LRRK1: variants seen among roughly 807,000 people sequenced by gnomAD.
LRRK1 encodes leucine-rich repeat serine/threonine-protein kinase 1.
In LRRK1, 113 loss-of-function variants were observed where a neutral mutation model predicts 209.1. The ratio of observed to expected loss-of-function variants is 0.54; its 90% CI spans 0.46 to 0.63. The LOEUF is 0.63. Ranked by LOEUF, LRRK1 falls within the 30% of genes least tolerant of loss-of-function variation. The probability of loss-of-function intolerance (pLI) is 0.00; values close to 1 mark genes in which losing one functional copy is unlikely to be tolerated. For missense variants in LRRK1, 2,284 were observed against 2,632.2 expected (o/e 0.87, Z 2.89); for synonymous variants, 1,144 against 1,099.7 (o/e 1.04, Z -0.80).
intron 20 of LRRK1, among the ~76,000 whole-genome samples, chr15:101,044,714 G>A (rs533520339): frequency 5.3e-5 from 8 of 152,348 alleles, no homozygotes; most frequent in Middle Eastern, 3.4e-3. Context: ...AGCACACTCC[G>A]ACAAGGAGAA....
At chr15:101,036,316 ACT>A (rs1260830346) in intron 20 of LRRK1, among the ~76,000 whole-genome samples, 3 of 150,578 alleles carry the variant, frequency 2.0e-5, no homozygotes, top group South Asian at 2.1e-4. Context: ...TTTTTGTCTA[ACT>A]CTGTTTTTTT....
chr15:101,012,744 G>A (rs2033326694), intron 10 of LRRK1, among the ~76,000 whole-genome samples: 1 of 152,196 alleles, frequency 6.6e-6, no homozygotes, highest in African/African-American at 2.4e-5. Flanking sequence ...CTTGTGTGCG[G>A]CGACCCCCAC....
At chr15:101,015,224 G>A in intron 11 of LRRK1, 102 bp from the exon 12 acceptor site, 1 of 902,404 alleles carries the variant, frequency 1.1e-6, no homozygotes, top group East Asian at 2.6e-5. Context: ...AGTTGCACAT[G>A]AATTGCTCCC....
intron 2 of LRRK1, among the ~76,000 whole-genome samples, chr15:100,960,142 A>T (rs2411998): frequency 0.7 from 107,108 of 151,942 alleles, 38,082 homozygotes; most frequent in Middle Eastern, 0.76. Flanking sequence ...GAAAAACCAG[A>T]GTTATCGTTT....
chr15:101,027,145 T>C lies in LRRK1; in HGVS notation c.2406-116T>C, dbSNP rs527717118. The C allele has an allele frequency of 5.3e-6, 7 of 1,326,536 alleles. No homozygotes were observed. In the South Asian group the frequency reaches 7.0e-5, roughly 13 times the overall value. The allele number at this position is 1,326,536 out of a possible 1,614,324, so 82.2% of individuals were successfully genotyped here. On this transcript the variant is annotated intron_variant, in intron 17 of 33. Transcript: ENST00000388948. This position sits in a 1 kb window ranked among gnomAD's most constrained non-coding sequence, Gnocchi z 5.1. Reference sequence around the variant, plus strand: ...CTCAATAAACTTCTTGTGTTGTCTTTCACGAGTTCTCCAGACTTGCCAGCG... The same window carrying C: ...CTCAATAAACTTCTTGTGTTGTCTTCCACGAGTTCTCCAGACTTGCCAGCG...
chr15:101,030,651 C>T (rs1426682091), intron 20 of LRRK1, among the ~76,000 whole-genome samples: 1 of 152,176 alleles, frequency 6.6e-6, no homozygotes, highest in Non-Finnish European at 1.5e-5. Context: ...ACACCCACTC[C>T]TCACCCCACC....
rs771487119 is a variant in LRRK1, at chr15:101,010,581, T to A, written c.1117+4T>A. ...AAATTGTTCGAAGAAGAAAATGGTA[T>A]GTTTTCTCATCAACTTGAGTGAATT... is the stretch of plus-strand genomic sequence containing the variant. On this transcript the variant is annotated splice_donor_region_variant and intron_variant, in intron 8 of 33. Transcript: ENST00000388948. 6.2e-7 allele frequency: 1 copy of A among 1,611,022 alleles called. No homozygotes were observed. Among genetic ancestry groups the A allele is most frequent in the Non-Finnish European group, 8.5e-7 (1 of 1,179,246 alleles).
intron 10 of LRRK1, among the ~76,000 whole-genome samples, chr15:101,013,352 G>C (rs546273608): frequency 6.6e-6 from 1 of 152,332 alleles, no homozygotes; most frequent in Non-Finnish European, 1.5e-5. Flanking sequence ...CCCTCCTGAG[G>C]CCGCCCTGGT....
At chr15:101,062,421 T>C (rs537171920) in intron 30 of LRRK1, 153 bp from the exon 31 acceptor site, 1 of 610,550 alleles carries the variant, frequency 1.6e-6, no homozygotes, top group South Asian at 2.0e-5. Flanking sequence ...AGAGCAGAAA[T>C]CCATAAACAA....
At chr15:100,973,043 G>T (rs1328975618) in intron 2 of LRRK1, among the ~76,000 whole-genome samples, 1 of 152,220 alleles carries the variant, frequency 6.6e-6, no homozygotes, top group Non-Finnish European at 1.5e-5. Flanking sequence ...TGGAAGCTCG[G>T]GGAGGGCGAG....
At chr15:101,038,057 A>G (rs866691661) in intron 20 of LRRK1, among the ~76,000 whole-genome samples, 1 of 152,258 alleles carries the variant, frequency 6.6e-6, no homozygotes, top group East Asian at 1.9e-4. Flanking sequence ...GGAATAAAAT[A>G]ATGGCATCTG....
chr15:100,920,661 C>G (rs187796492), intron 1 of LRRK1, among the ~76,000 whole-genome samples: 2 of 130,890 alleles, frequency 1.5e-5, no homozygotes, highest in Non-Finnish European at 3.2e-5. Flanking sequence ...CCCCACCCCC[C>G]ACCCTGCCCC....
At chr15:100,950,541 TAAAAG>T (rs904810572) in intron 2 of LRRK1, among the ~76,000 whole-genome samples, 5 of 152,286 alleles carry the variant, frequency 3.3e-5, no homozygotes, top group African/African-American at 9.6e-5. Context: ...ATAAAACTCT[TAAAAG>T]AAAACAGGAT....
At chr15:101,009,143 T>A in intron 7 of LRRK1, 80 bp downstream of exon 7, 1 of 1,157,014 alleles carries the variant, frequency 8.6e-7, no homozygotes, top group Non-Finnish European at 1.2e-6. Context: ...CCGGGTTGTA[T>A]TTTGTGGTTT....
chr15:101,075,798 T>C lies in LRRK1; in HGVS notation c.*6950T>C. 6.6e-6 allele frequency: 1 copy of C among 151,972 alleles called. No homozygotes were observed. Among genetic ancestry groups the C allele is most frequent in the Admixed American group, 6.5e-5 (1 of 15,284 alleles). 9.4% of individuals were successfully genotyped at this position (151,972 alleles called of 1,614,324 possible). A position where few individuals can be genotyped will look rare whatever the true frequency, so the allele number is the denominator to read the frequency against. On this transcript the variant is annotated 3_prime_UTR_variant, in exon 34 of 34. Transcript: ENST00000388948. ...TTGTGTTCTGGATCTCAAACATGCT[T>C]TCTTTACTATTCCTTTGCACCCTTC...
intron 6 of LRRK1, among the ~76,000 whole-genome samples, chr15:101,005,522 G>A (rs1420390995): frequency 6.6e-6 from 1 of 152,246 alleles, no homozygotes; most frequent in African/African-American, 2.4e-5. Context: ...ATACAGAGCT[G>A]TGTCCCATCA....
chr15:101,054,875 T>A, intron 26 of LRRK1, 71 bp from the exon 27 acceptor site: 2 of 1,294,174 alleles, frequency 1.5e-6, no homozygotes, highest in Non-Finnish European at 2.2e-6. Context: ...AAAAGACAGT[T>A]GTTATCATGA....
intron 6 of LRRK1, among the ~76,000 whole-genome samples, chr15:100,999,795 A>T (rs11635831): frequency 0.075 from 11,483 of 152,222 alleles, 727 homozygotes; most frequent in African/African-American, 0.18. Context: ...AGTAAATCTG[A>T]CATTTCTACT....
chr15:101,021,775 C>CGTGTGTGTGT (rs3031683), intron 13 of LRRK1, 70 bp from the exon 14 acceptor site: 1 of 855,622 alleles, frequency 1.2e-6, no homozygotes, highest in African/African-American at 1.7e-5. Context: ...CACGTGTGTG[C>CGTGTGTGTGT]GTGTGTGTGT....
Sources: allele counts gnomAD v4.1 joint callset (sites outside exome capture counted in the v4.1 genomes callset), GRCh38; gene constraint gnomAD v4.1.1; non-coding constraint Gnocchi (gnomAD v3.1); transcripts MANE v1.5; gene names NCBI Gene and HGNC (gene_info 2026-07-23, HGNC 2026-07-21).